The following TMEM106B variants were observed in gnomAD, a reference collection of about 807,000 sequenced individuals.
TMEM106B encodes the protein transmembrane protein 106B.
Under a neutral mutation model 31.1 loss-of-function variants are expected in TMEM106B, and 15 were observed. The observed-to-expected ratio is 0.48, with a 90% confidence interval of 0.32 to 0.74. The LOEUF (loss-of-function observed/expected upper bound fraction) is 0.74, where lower values mean the gene tolerates loss of function less well. Ranked by LOEUF, TMEM106B falls within the 30% of genes least tolerant of loss-of-function variation. The pLI is 0.03. For synonymous variants in TMEM106B, 126 were observed against 112.5 expected (o/e 1.12, Z -0.76); for missense variants, 283 against 327.3 (o/e 0.86, Z 1.04).
chr7:12,241,197 C>T lies in TMEM106B; in HGVS notation c.*9222C>T, dbSNP rs1036358504. 6.6e-6 allele frequency: 1 copy of T among 151,856 alleles called. No individual in the cohort carries two copies. The highest frequency in any genetic ancestry group is 2.1e-4 in the South Asian group (1 of 4,818). The allele number at this position is 151,856 out of a possible 1,614,324, so 9.4% of individuals were successfully genotyped here. On this transcript the variant is annotated 3_prime_UTR_variant, in exon 8 of 8. Transcript: ENST00000396668. Reference sequence around the variant, plus strand: ...TGATAATAGCATTTTTTAAGTTGCCCCAAAAAGATGAAATACAAATAATTT... The same window carrying T: ...TGATAATAGCATTTTTTAAGTTGCCTCAAAAAGATGAAATACAAATAATTT...
chr7:12,230,548 A>G (rs1303930246), intron 6 of TMEM106B, 110 bp downstream of exon 6: 2 of 681,912 alleles, frequency 2.9e-6, no homozygotes, highest in South Asian at 2.2e-5. Flanking sequence ...AAAAGAGTAC[A>G]TTATGTAGTA....
At chr7:12,213,533 A>C (rs1371217326) in intron 1 of TMEM106B, among the ~76,000 whole-genome samples, 1 of 152,202 alleles carries the variant, frequency 6.6e-6, no homozygotes, top group Non-Finnish European at 1.5e-5. Flanking sequence ...TAAAAGGTAG[A>C]ATGTATTTTT....
chr7:12,233,826 C>T lies in TMEM106B; in HGVS notation c.*1851C>T, dbSNP rs1177287397. The stretch of plus-strand genomic sequence containing the variant: ...TATGTCTATATATGATATAGGTCCC[C>T]TTTTGTCTCAAAATTTTTAATTATG... On this transcript the variant is annotated 3_prime_UTR_variant, in exon 8 of 8. Coordinates refer to ENST00000396668, the MANE Select transcript of TMEM106B (RefSeq NM_001134232.2). 6.6e-6 allele frequency: 1 copy of T among 151,488 alleles called. No individual in the cohort carries two copies. Among genetic ancestry groups the T allele is most frequent in the Non-Finnish European group, 1.5e-5 (1 of 67,668 alleles). The allele number at this position is 151,488 out of a possible 1,614,324, so 9.4% of individuals were successfully genotyped here.
At chr7:12,225,234 A>G (rs1176010130) in intron 4 of TMEM106B, among the ~76,000 whole-genome samples, 1 of 152,188 alleles carries the variant, frequency 6.6e-6, no homozygotes, top group Non-Finnish European at 1.5e-5. Context: ...TCCATGGTGT[A>G]TATGTGCCAC....
rs1338695272 is a variant in TMEM106B, at chr7:12,232,882, T to C, written c.*907T>C. 4 of 151,844 alleles carry C rather than the reference T, an allele frequency of 2.6e-5. No individual in the cohort carries two copies. The highest frequency in any genetic ancestry group is 9.7e-5 in the African/African-American group (4 of 41,428). The allele number at this position is 151,844 out of a possible 1,614,324, so 9.4% of individuals were successfully genotyped here. ...GATCTGGCATAAAATAAATTTGAAA[T>C]AAAATATTTTGATGCTCCATTTTTT... On this transcript the variant is annotated 3_prime_UTR_variant, in exon 8 of 8. Coordinates refer to ENST00000396668, the MANE Select transcript of TMEM106B (RefSeq NM_001134232.2).
chr7:12,214,719 G>A, intron 1 of TMEM106B, 90 bp from the exon 2 acceptor site: 1 of 1,107,274 alleles, frequency 9.0e-7, no homozygotes, highest in Non-Finnish European at 1.3e-6. Flanking sequence ...TTCCTTGACT[G>A]TTCTAAATTA....
intron 3 of TMEM106B, among the ~76,000 whole-genome samples, chr7:12,221,136 C>T (rs1055867799): frequency 2.0e-5 from 3 of 149,330 alleles, no homozygotes; most frequent in East Asian, 2.0e-4. Flanking sequence ...ATTTTTTTTA[C>T]ATAACTTAAA....
At chr7:12,220,756 G>T (rs1163836248) in intron 3 of TMEM106B, among the ~76,000 whole-genome samples, 1 of 152,068 alleles carries the variant, frequency 6.6e-6, no homozygotes, top group Admixed American at 6.6e-5. Context: ...TTATTCTCAG[G>T]ATAGTTGTCA....
intron 3 of TMEM106B, among the ~76,000 whole-genome samples, chr7:12,219,863 C>A (rs959167798): frequency 3.9e-5 from 6 of 152,130 alleles, no homozygotes; most frequent in African/African-American, 1.4e-4. Flanking sequence ...GTAATTGGAG[C>A]ATCTGAAGAA....
intron 2 of TMEM106B, among the ~76,000 whole-genome samples, 169 bp downstream of exon 2, chr7:12,215,196 TATTA>T (rs1781662433): frequency 6.6e-6 from 1 of 152,118 alleles, no homozygotes; most frequent in Non-Finnish European, 1.5e-5. Context: ...ACAAATAAAG[TATTA>T]ATTAAGGTTC....
At chr7:12,219,987 T>C (rs931841249) in intron 3 of TMEM106B, among the ~76,000 whole-genome samples, 1 of 152,114 alleles carries the variant, frequency 6.6e-6, no homozygotes, top group Admixed American at 6.6e-5. Flanking sequence ...GTTAGTGAAA[T>C]TCTTGAACTT....
intron 4 of TMEM106B, among the ~76,000 whole-genome samples, chr7:12,227,874 G>C (rs988795846): frequency 6.6e-6 from 1 of 151,408 alleles, no homozygotes; most frequent in South Asian, 2.1e-4. Context: ...ATAAGGATTT[G>C]TATTCTCAAC....
At chr7:12,224,490 T>G (rs1280260285) in intron 4 of TMEM106B, 105 bp downstream of exon 4, 1 of 890,366 alleles carries the variant, frequency 1.1e-6, no homozygotes, top group African/African-American at 1.7e-5. Flanking sequence ...GTGACACTGG[T>G]CAGTGTGCTT....
Position 12,235,642 on chromosome 7 carries a change from G to A in TMEM106B, c.*3667G>A, listed in dbSNP as rs1782117159. On this transcript the variant is annotated 3_prime_UTR_variant, in exon 8 of 8. Coordinates refer to ENST00000396668, the MANE Select transcript of TMEM106B (RefSeq NM_001134232.2). The stretch of plus-strand genomic sequence containing the variant: ...TATAATTCTAGATATTTTCTTGGAG[G>A]GCATGTGCCCAACTCTCCCGCACCC... 6.6e-6 allele frequency: 1 copy of A among 151,294 alleles called. No individual in the cohort carries two copies. The highest frequency in any genetic ancestry group is 2.1e-4 in the South Asian group (1 of 4,798). 9.4% of individuals were successfully genotyped at this position (151,294 alleles called of 1,614,324 possible).
chr7:12,226,124 T>C (rs977228713), intron 4 of TMEM106B, among the ~76,000 whole-genome samples: 1 of 114,642 alleles, frequency 8.7e-6, no homozygotes, highest in African/African-American at 4.0e-5. Context: ...ATTTATTAAA[T>C]AGGGAATCCT....
At chr7:12,230,500 A>G (rs1040919316) in intron 6 of TMEM106B, 62 bp downstream of exon 6, 3 of 1,131,680 alleles carry the variant, frequency 2.7e-6, no homozygotes, top group African/African-American at 1.6e-5. Flanking sequence ...AATAAAGTAT[A>G]AAGAGTATAC....
At chr7:12,217,903 G>T (rs1410979167) in intron 2 of TMEM106B, among the ~76,000 whole-genome samples, 3 of 152,060 alleles carry the variant, frequency 2.0e-5, no homozygotes, top group East Asian at 3.9e-4. Context: ...AGAAATCACG[G>T]ATTTTGAAGT....
At position 12,241,705 on chromosome 7, in the gene TMEM106B, T is replaced by A. The variant is rs1326242590; in HGVS notation, c.*9730T>A. ...TTTACTATTGTGAACAGTGCTGCAATAAACATATGTGTGTATGTGTCTTTA... is the reference window on the plus strand; with the variant it reads ...TTTACTATTGTGAACAGTGCTGCAAAAAACATATGTGTGTATGTGTCTTTA... On this transcript the variant is annotated 3_prime_UTR_variant, in exon 8 of 8. Coordinates refer to ENST00000396668, the MANE Select transcript of TMEM106B (RefSeq NM_001134232.2). The A allele has an allele frequency of 2.0e-5, 3 of 152,230 alleles. No individual in the cohort carries two copies. Among genetic ancestry groups the A allele is most frequent in the African/African-American group, 7.2e-5 (3 of 41,460 alleles). 9.4% of individuals were successfully genotyped at this position (152,230 alleles called of 1,614,324 possible).
intron 1 of TMEM106B, 114 bp from the exon 2 acceptor site, chr7:12,214,695 A>G: frequency 1.1e-6 from 1 of 923,304 alleles, no homozygotes; most frequent in Non-Finnish European, 1.6e-6. Flanking sequence ...CAAATATTTT[A>G]CAGAGTTTGA....
Sources: allele counts gnomAD v4.1 joint callset (sites outside exome capture counted in the v4.1 genomes callset), GRCh38; gene constraint gnomAD v4.1.1; transcripts MANE v1.5; gene names NCBI Gene and HGNC (gene_info 2026-07-23, HGNC 2026-07-21).